The following GRIA3 variants were observed in gnomAD, a reference collection of about 807,000 sequenced individuals.
GRIA3 encodes glutamate receptor 3.
A neutral mutation model predicts 63.0 loss-of-function variants in GRIA3; 3 were observed. The observed-to-expected ratio is 0.05, with a 90% CI of 0.02 to 0.12. The LOEUF (loss-of-function observed/expected upper bound fraction) is 0.12. Ranked by LOEUF, GRIA3 falls within the 10% of genes least tolerant of loss-of-function variation. The pLI is 1.00. For missense variants in GRIA3, 347 were observed against 700.9 expected, an observed-to-expected ratio of 0.50 and a Z score of 5.70; for synonymous variants, 274 against 257.9, an observed-to-expected ratio of 1.06 and a Z score of -0.60.
chrX:123,246,513 A>G (rs1336417208), intron 2 of GRIA3, among the ~76,000 whole-genome samples: 1 of 111,506 alleles, frequency 9.0e-6, no homozygotes, highest in Non-Finnish European at 1.9e-5. Context: ...ATGTCACATT[A>G]CTCTGATACC....
At chrX:123,297,230 A>G (rs949877426) in intron 3 of GRIA3, among the ~76,000 whole-genome samples, 5 of 111,529 alleles carry the variant, frequency 4.5e-5, no homozygotes, top group African/African-American at 9.7e-5. Flanking sequence ...GTTCTGTGCC[A>G]TGGGAACAGT....
intron 10 of GRIA3, among the ~76,000 whole-genome samples, chrX:123,413,320 C>A (rs1381992528): frequency 9.1e-6 from 1 of 109,507 alleles, no homozygotes; most frequent in Non-Finnish European, 1.9e-5. Flanking sequence ...GTAACAATTT[C>A]TCCTAGAACT....
chrX:123,358,970 T>C (rs181165309), intron 5 of GRIA3, among the ~76,000 whole-genome samples: 1 of 110,924 alleles, frequency 9.0e-6, no homozygotes, highest in African/African-American at 3.3e-5. Context: ...ATAATAATAA[T>C]AAGAAGAAAA....
intron 5 of GRIA3, among the ~76,000 whole-genome samples, chrX:123,379,620 G>GTTTTTTTTTTTTTTTTTTTTTTAATTTT (rs369507360): frequency 1.5e-5 from 1 of 68,015 alleles, no homozygotes; most frequent in Non-Finnish European, 2.7e-5. Context: ...CTAGCAACTT[G>GTTTTTTTTTTTTTTTTTTTTTTAATTTT]TTTTTTTTTT....
chrX:123,257,360 GAA>G (rs1226989521), intron 3 of GRIA3, among the ~76,000 whole-genome samples: 2 of 109,173 alleles, frequency 1.8e-5, no homozygotes, highest in African/African-American at 6.7e-5. Context: ...TGGACTGAAA[GAA>G]AGAGAGAAAG....
chrX:123,286,523 C>A (rs972023992), intron 3 of GRIA3, among the ~76,000 whole-genome samples: 1 of 111,532 alleles, frequency 9.0e-6, no homozygotes, highest in Admixed American at 9.5e-5. Context: ...ACTAACCAGA[C>A]TAATAAAGAA....
In GRIA3 at chrX:123,324,282, A is replaced by G. The variant is rs2044886205; in HGVS notation, c.509-1744A>G. The stretch of plus-strand genomic sequence containing the variant: ...TGCTAAAGGGCCTTTAAAAAAGTTT[A>G]CTTTAAATATATTAAAGACTCTGTC... On this transcript the variant is annotated intron_variant, in intron 3 of 15. Coordinates refer to ENST00000620443, the MANE Select transcript of GRIA3 (RefSeq NM_007325.5). 6.2e-5 allele frequency among the ~76,000 whole-genome samples: 7 copies of G among 112,251 alleles called. No homozygotes were observed. The South Asian group carries it at 2.6e-3, about 42-fold the overall frequency.
At chrX:123,324,132 G>A (rs768380038) in intron 3 of GRIA3, among the ~76,000 whole-genome samples, 58 of 112,049 alleles carry the variant, frequency 5.2e-4, no homozygotes, top group Non-Finnish European at 1.0e-3. Context: ...CTTCAAAAAT[G>A]TGAAGGACTA....
intron 5 of GRIA3, chrX:123,358,622 A>G (rs1470203479): frequency 8.9e-6 from 1 of 112,390 alleles, no homozygotes; most frequent in African/African-American, 3.2e-5. Flanking sequence ...TAGAGCAAGT[A>G]AGTCTCTTAG....
chrX:123,314,350 G>A (rs995826662), intron 3 of GRIA3, among the ~76,000 whole-genome samples: 4 of 112,593 alleles, frequency 3.6e-5, no homozygotes, highest in African/African-American at 1.3e-4. Flanking sequence ...AGTTTGCATC[G>A]CAGGCAGTCT....
intron 12 of GRIA3, among the ~76,000 whole-genome samples, chrX:123,445,883 T>G (rs968677765): frequency 5.3e-5 from 6 of 112,363 alleles, no homozygotes. Context: ...TAAAATTTGA[T>G]TTTCAAAAAC....
chrX:123,435,082 TG>T (rs1196263787), intron 12 of GRIA3, among the ~76,000 whole-genome samples: 1 of 112,112 alleles, frequency 8.9e-6, no homozygotes, highest in African/African-American at 3.2e-5. Flanking sequence ...TCACCATATT[TG>T]GAGACAGATT....
At chrX:123,468,146 C>T (rs758626055) in intron 13 of GRIA3, among the ~76,000 whole-genome samples, 1 of 111,618 alleles carries the variant, frequency 9.0e-6, no homozygotes, top group African/African-American at 3.3e-5. Context: ...GCATACCCAA[C>T]GATTGCTTAT....
At chrX:123,231,121 G>C (rs1390206536) in intron 2 of GRIA3, among the ~76,000 whole-genome samples, 1 of 111,914 alleles carries the variant, frequency 8.9e-6, no homozygotes, top group African/African-American at 3.2e-5. Flanking sequence ...AATTAAACCT[G>C]TTTTTACTGT....
intron 12 of GRIA3, among the ~76,000 whole-genome samples, chrX:123,436,884 G>T (rs542212507): frequency 9.0e-6 from 1 of 110,771 alleles, no homozygotes; most frequent in African/African-American, 3.3e-5. Context: ...TCTTCAATTA[G>T]ACTTTACTTG....
At chrX:123,352,144 G>A (rs1330420320) in intron 4 of GRIA3, among the ~76,000 whole-genome samples, 1 of 109,154 alleles carries the variant, frequency 9.2e-6, no homozygotes, top group African/African-American at 3.4e-5. Flanking sequence ...GCAATGGCAC[G>A]ATCTCAGCTC....
intron 3 of GRIA3, among the ~76,000 whole-genome samples, chrX:123,292,510 C>T (rs889009190): frequency 9.1e-6 from 1 of 110,100 alleles, no homozygotes; most frequent in East Asian, 2.9e-4. Context: ...CCCCACACCC[C>T]AAAAAAGCAA....
chrX:123,318,376 G>A (rs751545456), intron 3 of GRIA3, among the ~76,000 whole-genome samples: 6 of 111,998 alleles, frequency 5.4e-5, no homozygotes, highest in African/African-American at 1.3e-4. Flanking sequence ...CTACTGCATC[G>A]TCAGGCTGCA....
At chrX:123,204,847 G>C (rs1026268988) in intron 2 of GRIA3, among the ~76,000 whole-genome samples, 4 of 112,155 alleles carry the variant, frequency 3.6e-5, no homozygotes, top group Non-Finnish European at 5.6e-5. Context: ...GTTGCCTAAA[G>C]ATAATTTCTC....
Sources: allele counts gnomAD v4.1 joint callset (sites outside exome capture counted in the v4.1 genomes callset), GRCh38; gene constraint gnomAD v4.1.1; transcripts MANE v1.5; gene names NCBI Gene and HGNC (gene_info 2026-07-23, HGNC 2026-07-21).